The following NRP2 variants were observed in gnomAD, a reference collection of about 807,000 sequenced individuals.
NRP2 encodes the protein neuropilin 2.
In NRP2, 52 loss-of-function variants were observed where a neutral mutation model predicts 110.4. The observed-to-expected ratio is 0.47, with a 90% CI of 0.38 to 0.59. The LOEUF is 0.59. NRP2 is among the 20% of genes least tolerant of loss of function. NRP2 has a pLI of 0.00. For missense variants in NRP2, 1,049 were observed against 1,203.0 expected (o/e 0.87, Z 1.89); for synonymous variants, 508 against 468.9 (o/e 1.08, Z -1.08).
chr2:205,683,186 C>T lies in NRP2; in HGVS notation c.-105C>T. The T allele has an allele frequency of 1.2e-6, 1 of 828,938 alleles. No individual in the cohort carries two copies. The highest frequency in any genetic ancestry group is 2.0e-6 in the Non-Finnish European group (1 of 495,860). 51.3% of individuals were successfully genotyped at this position (828,938 alleles called of 1,614,324 possible). A position where few individuals can be genotyped will look rare whatever the true frequency, so the allele number is the denominator to read the frequency against. On this transcript the variant is annotated 5_prime_UTR_variant, in exon 1 of 17. Transcript: ENST00000357785. ...GGAGGGAAACGCTGACCATTAGAAACCTCTGCATAAGACGTTGTAAGGAGG... is the reference window on the plus strand; with the variant it reads ...GGAGGGAAACGCTGACCATTAGAAATCTCTGCATAAGACGTTGTAAGGAGG...
rs757321977 is a variant in NRP2 at position 205,743,564 on chromosome 2, T to C, written c.1641+12T>C. The C allele has an allele frequency of 2.7e-5, 44 of 1,613,730 alleles. No homozygotes were observed. The highest frequency in any genetic ancestry group is 3.7e-5 in the Non-Finnish European group (44 of 1,179,762). ...CCCAGCAGCCAAAGGTAGGCTGTTC[T>C]TGGAGGCCTCTGTAACGTTACCCTC... On this transcript the variant is annotated intron_variant, in intron 9 of 16. Transcript: ENST00000357785.
intron 12 of NRP2, among the ~76,000 whole-genome samples, chr2:205,753,344 C>G (rs763002069): frequency 6.6e-6 from 1 of 152,204 alleles, no homozygotes; most frequent in East Asian, 1.9e-4. Flanking sequence ...TTGTCAACTT[C>G]GAGCTGGGTA....
At chr2:205,705,755 T>C (rs2056662328) in intron 2 of NRP2, among the ~76,000 whole-genome samples, 2 of 152,082 alleles carry the variant, frequency 1.3e-5, no homozygotes, top group African/African-American at 4.8e-5. Context: ...ATCGTGGGGC[T>C]GGGTTTGAAG....
intron 2 of NRP2, among the ~76,000 whole-genome samples, chr2:205,698,520 C>A (rs1190770958): frequency 3.3e-5 from 5 of 152,124 alleles, no homozygotes; most frequent in South Asian, 2.1e-4. Context: ...GGCTTAGGAA[C>A]TCCCAAGTGG....
In NRP2 at chr2:205,767,005, G is replaced by A; in HGVS notation, c.2425+202G>A. ...GGGATTGAGAGCCTCACTGTCTCTT[G>A]TTTAATTAAAGTTTAGAAACCTATT... On this transcript the variant is annotated intron_variant, in intron 15 of 16. Transcript: ENST00000357785. 4.9e-6 allele frequency: 3 copies of A among 617,968 alleles called. No homozygotes were observed. In the South Asian group the frequency reaches 5.9e-5, roughly 12 times the overall value. 38.3% of individuals were successfully genotyped at this position (617,968 alleles called of 1,614,324 possible).
At position 205,716,254 on chromosome 2, in the gene NRP2, T is replaced by A; in HGVS notation, c.313T>A (p.Cys105Ser). The change falls in exon 3 of 17, where the codon TGT (cysteine) becomes AGT (serine). Residue 105 changes from cysteine to serine, a missense_variant. Transcript: ENST00000357785. ...ATCCGCAGACCTCCTGGGCAAACAC[T>A]GTGGGAACATCGCCCCGCCCACCAT... ...SESADLLGKH[C>S]GNIAPPTIIS... 6.2e-7 allele frequency: 1 copy of A among 1,614,174 alleles called. No homozygotes were observed.
chr2:205,792,465 G>C (rs1405897921), intron 16 of NRP2, among the ~76,000 whole-genome samples, 180 bp downstream of exon 16: 1 of 152,228 alleles, frequency 6.6e-6, no homozygotes, highest in Admixed American at 6.5e-5. Context: ...GTCAACTTTA[G>C]AGGTTTAGAA....
At chr2:205,727,814 T>G (rs2057156403) in intron 6 of NRP2, 77 bp from the exon 7 acceptor site, 16 of 1,449,122 alleles carry the variant, frequency 1.1e-5, no homozygotes, top group Non-Finnish European at 1.5e-5. Flanking sequence ...GTCTAATGAT[T>G]GTGTCCTTTG....
In NRP2 at chr2:205,794,712, T is replaced by A. The variant is rs550956527; in HGVS notation, c.2477-42T>A. ...GAGGCTCAGTCACTTCACCCTGACATAGGCAGTGCCTGCAATCTCTCATGA... is the reference window on the plus strand; with the variant it reads ...GAGGCTCAGTCACTTCACCCTGACAAAGGCAGTGCCTGCAATCTCTCATGA... On this transcript the variant is annotated intron_variant, in intron 16 of 16. Transcript: ENST00000357785. 6.2e-6 allele frequency: 10 copies of A among 1,601,828 alleles called. No individual in the cohort carries two copies. The Admixed American group carries it at 1.7e-4, about 27-fold the overall frequency.
chr2:205,725,825 C>A lies in NRP2; in HGVS notation c.821-88C>A. ...TTAAATGAGGAAGTGCCTGCAAGGA[C>A]TTGTCCCTAGAAGGGAGGCAGCATT... On this transcript the variant is annotated intron_variant, in intron 5 of 16. Coordinates refer to ENST00000357785, the MANE Select transcript of NRP2 (RefSeq NM_003872.3). This position sits in a 1 kb window ranked among gnomAD's most constrained non-coding sequence, Gnocchi z 4.1. The A allele has an allele frequency of 7.3e-7, 1 of 1,370,404 alleles. No homozygotes were observed. Among genetic ancestry groups the A allele is most frequent in the Non-Finnish European group, 1.0e-6 (1 of 960,642 alleles). 84.9% of individuals were successfully genotyped at this position (1,370,404 alleles called of 1,614,324 possible).
At chr2:205,786,086 A>G (rs958878635) in intron 15 of NRP2, among the ~76,000 whole-genome samples, 5 of 152,202 alleles carry the variant, frequency 3.3e-5, no homozygotes, top group African/African-American at 9.6e-5. Context: ...CGACTTCTTA[A>G]CAGAGGAGAT....
At chr2:205,753,890 G>T (rs543070577) in intron 12 of NRP2, among the ~76,000 whole-genome samples, 1 of 152,286 alleles carries the variant, frequency 6.6e-6, no homozygotes, top group East Asian at 1.9e-4. Context: ...AGACAGAAAT[G>T]ACTCCAGAAG....
At chr2:205,709,298 C>A (rs901528216) in intron 2 of NRP2, among the ~76,000 whole-genome samples, 3 of 152,326 alleles carry the variant, frequency 2.0e-5, no homozygotes, top group Middle Eastern at 3.4e-3. Flanking sequence ...TCCTGTCTGG[C>A]TCCCAAGGTG....
chr2:205,792,063 C>T (rs1177240350), intron 15 of NRP2, among the ~76,000 whole-genome samples, 172 bp from the exon 16 acceptor site: 1 of 152,162 alleles, frequency 6.6e-6, no homozygotes, highest in East Asian at 1.9e-4. Context: ...AGACACAGGT[C>T]ATCTGAAGGA....
intron 2 of NRP2, among the ~76,000 whole-genome samples, chr2:205,705,346 G>A (rs1391299871): frequency 6.6e-6 from 1 of 152,122 alleles, no homozygotes; most frequent in Non-Finnish European, 1.5e-5. Flanking sequence ...TTCCTAGAAG[G>A]AGAATCCCTG....
intron 15 of NRP2, among the ~76,000 whole-genome samples, chr2:205,789,119 G>C (rs2058269415): frequency 6.6e-6 from 1 of 152,188 alleles, no homozygotes; most frequent in African/African-American, 2.4e-5. Context: ...ATCCGGATCT[G>C]AGATAAGGCA....
intron 15 of NRP2, among the ~76,000 whole-genome samples, chr2:205,780,812 C>T (rs1431213202): frequency 2.0e-5 from 3 of 152,170 alleles, no homozygotes; most frequent in African/African-American, 4.8e-5. Context: ...GACAGGCTTC[C>T]GGTTTTTAGA....
At position 205,728,048 on chromosome 2, in the gene NRP2, T is replaced by C; in HGVS notation, c.1146+2T>C. On this transcript the variant is annotated splice_donor_variant, in intron 7 of 16. Transcript: ENST00000357785. LOFTEE classifies it high-confidence loss of function. ...TACCGGCATGGCAAAAACCACAAGG[T>C]AAATCCATGATCCTACCTTAAAGGC... The C allele has an allele frequency of 1.2e-6, 2 of 1,614,026 alleles. No homozygotes were observed. The highest frequency in any genetic ancestry group is 1.7e-6 in the Non-Finnish European group (2 of 1,180,010).
chr2:205,705,958 G>A (rs543603873), intron 2 of NRP2, among the ~76,000 whole-genome samples: 6 of 151,934 alleles, frequency 3.9e-5, no homozygotes, highest in Non-Finnish European at 5.9e-5. Context: ...GGATGCCAGC[G>A]GGGCAGTCAA....
Sources: gnomAD v4.1 joint callset for allele counts (sites outside exome capture counted in the v4.1 genomes callset) on GRCh38, gnomAD v4.1.1 for gene constraint, Gnocchi (gnomAD v3.1) non-coding constraint, MANE v1.5 for transcripts, NCBI Gene and HGNC (gene_info 2026-07-23, HGNC 2026-07-21) for gene names.